Variants in MICU1 observed in about 807,000 individuals in gnomAD.
MICU1 encodes calcium uptake protein 1, mitochondrial.
In MICU1, 45 loss-of-function variants were observed where a neutral mutation model predicts 56.8. That is an observed-to-expected ratio of 0.79 (90% CI 0.62 to 1.02). MICU1 has a LOEUF of 1.02. Ranked by LOEUF, MICU1 falls within the 50% of genes least tolerant of loss-of-function variation. The probability of loss-of-function intolerance (pLI) is 0.00; values close to 1 mark genes in which losing one functional copy is unlikely to be tolerated. For missense variants in MICU1, 504 were observed against 587.1 expected (o/e 0.86, Z 1.46); for synonymous variants, 186 against 195.1 (o/e 0.95, Z 0.39).
chr10:72,450,346 T>C (rs1429918070), intron 8 of MICU1, among the ~76,000 whole-genome samples: 1 of 151,642 alleles, frequency 6.6e-6, no homozygotes, highest in Non-Finnish European at 1.5e-5. Flanking sequence ...CAAAGGCTCT[T>C]AGTTAAGAGT....
chr10:72,609,921 G>T (rs147330444), intron 1 of MICU1, among the ~76,000 whole-genome samples: 2,568 of 151,700 alleles, frequency 0.017, 76 homozygotes, highest in African/African-American at 0.059. Flanking sequence ...TGTAATCCTA[G>T]CTAGTCCGGA....
chr10:72,445,322 T>C (rs1865072086), intron 8 of MICU1, among the ~76,000 whole-genome samples: 3 of 152,216 alleles, frequency 2.0e-5, no homozygotes, highest in Non-Finnish European at 2.9e-5. Flanking sequence ...CACTTGATTT[T>C]AGAAAACTCT....
At chr10:72,398,551 CTAAT>C (rs1318109744) in intron 10 of MICU1, among the ~76,000 whole-genome samples, 1 of 151,002 alleles carries the variant, frequency 6.6e-6, no homozygotes, top group Non-Finnish European at 1.5e-5. Context: ...GCTAGCAAGA[CTAAT>C]AAAGAAGAAA....
rs902333701 is a variant in MICU1 at position 72,566,119 on chromosome 10, C to T, written c.161+514G>A. ...AGTACAATGGCACAATCTTGGCTCA[C>T]TGCAACCTCCACCTGCCTCCCAGGT... On this transcript the variant is annotated intron_variant, in intron 2 of 11. Coordinates refer to ENST00000361114, the MANE Select transcript of MICU1 (RefSeq NM_001195518.2). 2.1e-5 allele frequency among the ~76,000 whole-genome samples: 3 copies of T among 140,442 alleles called. No individual in the cohort carries two copies. In the Admixed American group the frequency reaches 2.3e-4, roughly 11 times the overall value. The allele number at this position is 140,442 out of a possible 152,430, so 92.1% of individuals were successfully genotyped here. A position where few individuals can be genotyped will look rare whatever the true frequency, so the allele number is the denominator to read the frequency against.
At chr10:72,553,353 C>G (rs2132448844) in intron 3 of MICU1, among the ~76,000 whole-genome samples, 1 of 151,956 alleles carries the variant, frequency 6.6e-6, no homozygotes, top group East Asian at 1.9e-4. Flanking sequence ...CCTGCCTCAG[C>G]CTCCCTAGTA....
intron 3 of MICU1, 61 bp downstream of exon 3, chr10:72,562,834 G>T: frequency 7.7e-7 from 1 of 1,301,218 alleles, no homozygotes; most frequent in Non-Finnish European, 1.0e-6. Context: ...TAAAAAGATT[G>T]AACTGCATTA....
intron 5 of MICU1, chr10:72,528,652 G>T: frequency 6.0e-6 from 1 of 166,274 alleles, no homozygotes; most frequent in South Asian, 1.2e-4. Flanking sequence ...ACCCTATGTC[G>T]TAATTTACAT....
At chr10:72,594,423 A>C (rs1270728472) in intron 1 of MICU1, among the ~76,000 whole-genome samples, 5 of 150,726 alleles carry the variant, frequency 3.3e-5, no homozygotes. Context: ...AAAGGCCTAA[A>C]TGTAACACCT....
intron 4 of MICU1, among the ~76,000 whole-genome samples, chr10:72,548,269 C>A (rs1308904937): frequency 6.6e-6 from 1 of 151,258 alleles, no homozygotes. Context: ...ACATAAATGG[C>A]AATAAAAAAA....
chr10:72,401,909 C>T (rs1863467866), intron 10 of MICU1, among the ~76,000 whole-genome samples: 1 of 152,128 alleles, frequency 6.6e-6, no homozygotes, highest in Admixed American at 6.6e-5. Context: ...ATTCTACTTT[C>T]TGCTTCTATG....
chr10:72,515,760 A>C (rs1867627792), intron 5 of MICU1, among the ~76,000 whole-genome samples: 1 of 152,236 alleles, frequency 6.6e-6, no homozygotes, highest in African/African-American at 2.4e-5. Context: ...ACATATGTTG[A>C]AAAGCAAAAA....
intron 1 of MICU1, among the ~76,000 whole-genome samples, chr10:72,579,845 A>G (rs951577798): frequency 9.9e-5 from 15 of 152,168 alleles, no homozygotes; most frequent in Non-Finnish European, 2.1e-4. Context: ...GGCTATATGT[A>G]TAAGGTGCAT....
chr10:72,515,053 C>A (rs918361344), intron 5 of MICU1, among the ~76,000 whole-genome samples: 2 of 152,174 alleles, frequency 1.3e-5, no homozygotes, highest in African/African-American at 4.8e-5. Flanking sequence ...CCTTAGGGAG[C>A]CACCAGACAG....
chr10:72,527,106 T>C (rs529105553), intron 5 of MICU1, among the ~76,000 whole-genome samples: 112 of 152,304 alleles, frequency 7.4e-4, no homozygotes, highest in Admixed American at 6.6e-3. Flanking sequence ...TTATGTGGTT[T>C]CTCAGGTTAG....
At chr10:72,474,895 G>A (rs952906833) in intron 8 of MICU1, among the ~76,000 whole-genome samples, 10 of 152,150 alleles carry the variant, frequency 6.6e-5, no homozygotes, top group Admixed American at 6.5e-5. Flanking sequence ...GAGGTTTTTG[G>A]TTTTAGATTA....
intron 3 of MICU1, among the ~76,000 whole-genome samples, chr10:72,551,847 G>A (rs1401591614): frequency 6.6e-6 from 1 of 151,882 alleles, no homozygotes; most frequent in African/African-American, 2.4e-5. Context: ...CATTGTCCAG[G>A]CTGGCCTCAA....
Position 72,423,364 on chromosome 10 carries a change from C to A in MICU1, c.941G>T (p.Arg314Leu). ...AATTCTCCCATCCACAGGGTCATGG[C>A]GTTCAAACTGGGAGGGAAACAGAAA... ...QHDVLKLEFERHDPVDGRITE... is the reference protein window; with the variant it reads ...QHDVLKLEFELHDPVDGRITE... The change falls in exon 9 of 12, where the codon CGC becomes CTC. Residue 314 changes from arginine to leucine, a missense_variant. Transcript: ENST00000361114. 1 of 1,613,370 alleles carries A rather than the reference C, an allele frequency of 6.2e-7. No individual in the cohort carries two copies. The highest frequency in any genetic ancestry group is 8.5e-7 in the Non-Finnish European group (1 of 1,179,666).
In MICU1 at chr10:72,529,946, C is replaced by CTTTTTTTT. The variant is rs11338457; in HGVS notation, c.537+3792_537+3799dup. Among the ~76,000 whole-genome samples the CTTTTTTTT allele has an allele frequency of 2.7e-4, 27 of 100,802 alleles. 1 individual carries two copies. The highest frequency in any genetic ancestry group is 7.9e-4 in the African/African-American group (21 of 26,714). 66.1% of individuals were successfully genotyped at this position (100,802 alleles called of 152,430 possible). A position where few individuals can be genotyped will look rare whatever the true frequency, so the allele number is the denominator to read the frequency against. ...AATACATGGATACTAGGGGAAGGTG[C>CTTTTTTTT]TTTTTTTTTTTTTTTTTTTTTTTCT... On this transcript the variant is annotated intron_variant, in intron 5 of 11. Transcript: ENST00000361114.
chr10:72,396,514 C>T (rs1010173166), intron 10 of MICU1, among the ~76,000 whole-genome samples: 5 of 152,210 alleles, frequency 3.3e-5, no homozygotes, highest in East Asian at 3.9e-4. Context: ...CCAAACCCAT[C>T]GCGAGGAAGC....
Sources: gnomAD v4.1 joint callset for allele counts (sites outside exome capture counted in the v4.1 genomes callset) on GRCh38, gnomAD v4.1.1 for gene constraint, MANE v1.5 for transcripts, NCBI Gene and HGNC (gene_info 2026-07-23, HGNC 2026-07-21) for gene names.